The following JADE2 variants were observed in gnomAD, a reference collection of about 807,000 sequenced individuals.
JADE2 encodes jade family PHD finger 2.
JADE2 carries 13 observed loss-of-function variants against 85.7 expected under a neutral mutation model. The ratio of observed to expected loss-of-function variants is 0.15; its 90% confidence interval spans 0.10 to 0.24. JADE2 has a LOEUF of 0.24. Among genes scored for constraint, JADE2 ranks in the 10% least tolerant of loss-of-function variants. JADE2 has a pLI of 1.00. For missense variants in JADE2, 846 were observed against 1,115.9 expected (o/e 0.76, Z 3.45); for synonymous variants, 440 against 456.1 (o/e 0.96, Z 0.45).
chr5:134,526,197 A>G, intron 1 of JADE2, 186 bp downstream of exon 1: 1 of 985,192 alleles, frequency 1.0e-6, no homozygotes, highest in Non-Finnish European at 1.2e-6. Flanking sequence ...AGCACAGGGG[A>G]GAGAGATTGC....
chr5:134,557,342 G>A (rs1181907078), intron 4 of JADE2, among the ~76,000 whole-genome samples: 2 of 131,954 alleles, frequency 1.5e-5, no homozygotes, highest in Non-Finnish European at 3.2e-5. Context: ...ATGTTTAAAA[G>A]TGTTCAAATT....
rs1484081396 is a variant in JADE2, at chr5:134,576,770, C to T, written c.1555C>T (p.Arg519Trp). Reference protein sequence around the residue: ...KLIEQDLCRERSGRRAKGKKS... With the variant: ...KLIEQDLCREWSGRRAKGKKS... ...TCCTCTCACTTTCCCTGACACAGAG[C>T]GGTCTGGGAGGAGAGCAAAGGGCAA... Residue 519 changes from arginine to tryptophan, a missense_variant and splice_region_variant, in exon 11 of 12, where the codon CGG becomes TGG. Coordinates refer to ENST00000681547, the MANE Select transcript of JADE2 (RefSeq NM_001388185.1). 1.3e-5 allele frequency: 20 copies of T among 1,550,408 alleles called. No homozygotes were observed. The highest frequency in any genetic ancestry group is 7.8e-5 in the Admixed American group (4 of 50,972).
chr5:134,527,173 C>CG (rs1265464642), intron 1 of JADE2, among the ~76,000 whole-genome samples: 2 of 151,880 alleles, frequency 1.3e-5, no homozygotes, highest in Non-Finnish European at 2.9e-5. Flanking sequence ...GCCCCGCCCC[C>CG]GGCAGTGGCA....
intron 9 of JADE2, among the ~76,000 whole-genome samples, chr5:134,571,885 C>G (rs927518409): frequency 6.6e-6 from 1 of 152,214 alleles, no homozygotes; most frequent in Non-Finnish European, 1.5e-5. Flanking sequence ...TCTGCCCTGC[C>G]GTGTGATCAA....
At chr5:134,553,008 T>TTTTTTG (rs1762685211) in intron 4 of JADE2, among the ~76,000 whole-genome samples, 1 of 133,568 alleles carries the variant, frequency 7.5e-6, no homozygotes. Flanking sequence ...TTTTTTTTTT[T>TTTTTTG]TTTCTGACAA....
chr5:134,571,362 G>A (rs2150008289), intron 9 of JADE2, among the ~76,000 whole-genome samples: 1 of 152,354 alleles, frequency 6.6e-6, no homozygotes, highest in East Asian at 1.9e-4. Context: ...GAAGCCACTG[G>A]AGGTTTTAAG....
intron 4 of JADE2, among the ~76,000 whole-genome samples, chr5:134,558,725 A>T (rs10074146): frequency 0.011 from 1,641 of 152,302 alleles, 40 homozygotes; most frequent in African/African-American, 0.037. Context: ...TTTAGTAGAG[A>T]TGGGGTTTCC....
Position 134,566,124 on chromosome 5 carries a change from G to T in JADE2, c.978G>T (p.Met326Ile), listed in dbSNP as rs1763626340. ...ECTGTCIQCS[M>I]PSCVTAFHVT... ...CCCTCCTTTCCCCTCAGTGTTCCAT[G>T]CCTTCCTGCGTCACAGCGTTCCATG... Residue 326 changes from methionine (M) to isoleucine (I), a missense_variant, in exon 9 of 12, where the codon ATG (methionine) becomes ATT (isoleucine). Met to Ile is a conservative substitution (Grantham distance 10). This residue lies in a region of JADE2 where 129 missense variants were observed against 255.4 expected (regional missense o/e 0.51). Coordinates refer to ENST00000681547, the MANE Select transcript of JADE2 (RefSeq NM_001388185.1). This position sits in a 1 kb window ranked among gnomAD's most constrained non-coding sequence, Gnocchi z 6.7. The T allele has an allele frequency of 5.0e-6, 8 of 1,612,620 alleles. No individual in the cohort carries two copies. Among genetic ancestry groups the T allele is most frequent in the Non-Finnish European group, 6.8e-6 (8 of 1,179,122 alleles).
intron 3 of JADE2, among the ~76,000 whole-genome samples, chr5:134,545,104 T>C (rs1340757797): frequency 6.6e-6 from 1 of 152,256 alleles, no homozygotes; most frequent in Non-Finnish European, 1.5e-5. Context: ...GTTTTGTGCT[T>C]GCCCTTGTGG....
chr5:134,557,011 ACAC>A lies in JADE2; in HGVS notation c.312-2818_312-2816del, dbSNP rs1306034955. ...CCCCACACATACCACATGCACACACACACATCACACAGCACATACACACACACC... is the reference window on the plus strand; with the variant it reads ...CCCCACACATACCACATGCACACACAATCACACAGCACATACACACACACC... On this transcript the variant is annotated intron_variant, in intron 4 of 11. Transcript: ENST00000681547. 8.3e-5 allele frequency among the ~76,000 whole-genome samples: 12 copies of A among 144,438 alleles called. No homozygotes were observed. The Admixed American group carries it at 8.4e-4, about 10-fold the overall frequency. 94.8% of individuals were successfully genotyped at this position (144,438 alleles called of 152,430 possible). A position where few individuals can be genotyped will look rare whatever the true frequency, so the allele number is the denominator to read the frequency against.
rs1292156485 is a variant in JADE2, at chr5:134,581,464, C to T, written c.*2147C>T. ...AGAACAACCAAACTCTGCCAGGGGTCCCAGAAAGCCCAGGGTCCAGCAGTC... is the reference window on the plus strand; with the variant it reads ...AGAACAACCAAACTCTGCCAGGGGTTCCAGAAAGCCCAGGGTCCAGCAGTC... On this transcript the variant is annotated 3_prime_UTR_variant, in exon 12 of 12. Transcript: ENST00000681547. 2 of 152,664 alleles carry T rather than the reference C, an allele frequency of 1.3e-5. No individual in the cohort carries two copies. Among genetic ancestry groups the T allele is most frequent in the African/African-American group, 4.8e-5 (2 of 41,458 alleles). The allele number at this position is 152,664 out of a possible 1,614,324, so 9.5% of individuals were successfully genotyped here. A position where few individuals can be genotyped will look rare whatever the true frequency, so the allele number is the denominator to read the frequency against.
chr5:134,575,627 C>G (rs2150021988), intron 10 of JADE2: 1 of 152,164 alleles, frequency 6.6e-6, no homozygotes, highest in African/African-American at 2.4e-5. Flanking sequence ...GATGAGATTG[C>G]CCAGGCACAG....
intron 1 of JADE2, chr5:134,526,400 C>A (rs1760821849): frequency 1.0e-6 from 1 of 985,286 alleles, no homozygotes; most frequent in Non-Finnish European, 1.2e-6. Flanking sequence ...GGGCTCCGGC[C>A]GGGCGTAGGG....
intron 4 of JADE2, among the ~76,000 whole-genome samples, chr5:134,555,556 A>G (rs970876743): frequency 7.9e-5 from 12 of 152,160 alleles, no homozygotes; most frequent in African/African-American, 2.9e-4. Flanking sequence ...GAGTCCCTTC[A>G]CCTTGGCTCT....
At chr5:134,569,220 A>G (rs185591206) in intron 9 of JADE2, among the ~76,000 whole-genome samples, 1 of 152,234 alleles carries the variant, frequency 6.6e-6, no homozygotes, top group East Asian at 1.9e-4. Context: ...TCTTAGAAGA[A>G]GGGAGGCCAG....
At chr5:134,535,169 A>G (rs1331103387) in intron 1 of JADE2, among the ~76,000 whole-genome samples, 1 of 152,220 alleles carries the variant, frequency 6.6e-6, no homozygotes, top group East Asian at 1.9e-4. Flanking sequence ...AGTTGTCCTT[A>G]ATACCTTGAA....
At position 134,563,328 on chromosome 5, in the gene JADE2, A is replaced by AG. The variant is rs1228672139; in HGVS notation, c.852+961_852+962insG. ...ATGAGACTGTTTAAAAAAAAAAAAA[A>AG]AGAGAATCAGGTGGTAAGCCTAATG... is the stretch of plus-strand genomic sequence containing the variant. On this transcript the variant is annotated intron_variant, in intron 7 of 11. Transcript: ENST00000681547. 9.4e-4 allele frequency among the ~76,000 whole-genome samples: 143 copies of AG among 151,562 alleles called. 2 individuals carry two copies. Among genetic ancestry groups the AG allele is most frequent in the African/African-American group, 3.1e-3 (129 of 41,352 alleles).
chr5:134,533,629 C>T, intron 1 of JADE2: 1 of 966,112 alleles, frequency 1.0e-6, no homozygotes, highest in South Asian at 4.8e-5. Flanking sequence ...ACTCCACCCA[C>T]CGATGTCAGG....
rs183167490 is a variant in JADE2 at position 134,579,258 on chromosome 5, C to T, written c.2446C>T (p.Arg816Trp). The change falls in exon 12 of 12, where the codon CGG becomes TGG. Residue 816 changes from arginine (R) to tryptophan (W), a missense_variant. Arg to Trp is a moderately radical substitution (Grantham distance 101). Transcript: ENST00000681547. The surrounding 1 kb of genome is among the most constrained non-coding windows in gnomAD (Gnocchi z 4.6). ...DVEAEDGGVQ[R>W]GPREAGAEEV... ...AGAGGCCGAGGACGGTGGGGTGCAG[C>T]GGGGTCCCCGGGAGGCAGGGGCAGA... 3.1e-6 allele frequency: 5 copies of T among 1,613,626 alleles called. No individual in the cohort carries two copies. Among genetic ancestry groups the T allele is most frequent in the South Asian group, 1.1e-5 (1 of 91,080 alleles).
Sources: allele counts gnomAD v4.1 joint callset (sites outside exome capture counted in the v4.1 genomes callset), GRCh38; gene constraint gnomAD v4.1.1; regional missense constraint gnomAD v4.1.1; non-coding constraint Gnocchi (gnomAD v3.1); transcripts MANE v1.5; gene names NCBI Gene and HGNC (gene_info 2026-07-23, HGNC 2026-07-21).